Variants in RBFOX1 observed in about 807,000 individuals in gnomAD.
RBFOX1 encodes RNA binding fox-1 homolog 1.
In RBFOX1, 8 loss-of-function variants were observed where a neutral mutation model predicts 57.7. That is an observed-to-expected ratio of 0.14 (90% CI 0.08 to 0.25). RBFOX1 has a LOEUF of 0.25. Ranked by LOEUF, RBFOX1 falls within the 10% of genes least tolerant of loss-of-function variation. RBFOX1 has a pLI of 1.00. For synonymous variants in RBFOX1, 326 were observed against 222.4 expected (o/e 1.47, Z -4.15); for missense variants, 611 against 548.5 (o/e 1.11, Z -1.14).
chr16:7,709,938 A>G (rs868737443), intron 15 of RBFOX1: 2 of 1,026,342 alleles, frequency 1.9e-6, no homozygotes, highest in African/African-American at 3.4e-5. Context: ...TCCTTACCCT[A>G]AAAATGAATC....
chr16:6,818,652 T>C (rs1228968783), intron 3 of RBFOX1, among the ~76,000 whole-genome samples: 1 of 152,126 alleles, frequency 6.6e-6, no homozygotes, highest in African/African-American at 2.4e-5. Flanking sequence ...TATTATTCAT[T>C]TTTCCCCCCT....
chr16:7,005,823 T>G (rs1207402123), intron 3 of RBFOX1, among the ~76,000 whole-genome samples: 1 of 152,208 alleles, frequency 6.6e-6, no homozygotes, highest in Admixed American at 6.5e-5. Flanking sequence ...CATGAGTGAC[T>G]GCTGCTTCTT....
chr16:6,221,420 C>A (rs2097372520), intron 1 of RBFOX1, among the ~76,000 whole-genome samples: 2 of 152,076 alleles, frequency 1.3e-5, no homozygotes, highest in Non-Finnish European at 2.9e-5. Context: ...TTCAGCTGCC[C>A]AGATAACACT....
chr16:5,701,781 C>A (rs138051820), intron 3 of RBFOX1, among the ~76,000 whole-genome samples: 1 of 152,130 alleles, frequency 6.6e-6, no homozygotes, highest in South Asian at 2.1e-4. Context: ...ATTTTTTGTC[C>A]GTGGCATCCT....
intron 1 of RBFOX1, among the ~76,000 whole-genome samples, chr16:6,063,119 A>G (rs1213904251): frequency 6.6e-6 from 1 of 152,150 alleles, no homozygotes; most frequent in East Asian, 1.9e-4. Flanking sequence ...TGAGCAAACA[A>G]CGGGACACCA....
chr16:6,812,451 G>A (rs995374809), intron 3 of RBFOX1, among the ~76,000 whole-genome samples: 6 of 152,034 alleles, frequency 3.9e-5, no homozygotes, highest in African/African-American at 1.4e-4. Context: ...TCGGCTCATT[G>A]CAACCTCCAC....
rs747780091 is a variant in RBFOX1, at chr16:6,598,902, C to T, written c.-63-55701C>T. On this transcript the variant is annotated intron_variant, in intron 2 of 15. Transcript: ENST00000550418. Reference sequence around the variant, plus strand: ...TGGAAGTTACAGTGAGCTGAGATTGCGCCACTGCACTCCAGCCTGTGTAAC... The same window carrying T: ...TGGAAGTTACAGTGAGCTGAGATTGTGCCACTGCACTCCAGCCTGTGTAAC... 4.6e-5 allele frequency among the ~76,000 whole-genome samples: 7 copies of T among 152,212 alleles called. No homozygotes were observed. The South Asian group carries it at 6.2e-4, about 14-fold the overall frequency.
chr16:5,527,773 G>A (rs117670656), intron 2 of RBFOX1, among the ~76,000 whole-genome samples: 1,649 of 152,212 alleles, frequency 0.011, 12 homozygotes, highest in Non-Finnish European at 0.019. Context: ...TCTAAGGGAC[G>A]ATCTTTGAGA....
At chr16:7,249,499 C>G (rs552447360) in intron 4 of RBFOX1, among the ~76,000 whole-genome samples, 4 of 152,062 alleles carry the variant, frequency 2.6e-5, no homozygotes, top group Non-Finnish European at 4.4e-5. Flanking sequence ...CTCTGTCTTT[C>G]TCTCTGACTT....
At chr16:6,014,421 A>G (rs1435303960), upstream of RBFOX1, among the ~76,000 whole-genome samples, 1 of 152,202 alleles carries the variant, frequency 6.6e-6, no homozygotes, top group Non-Finnish European at 1.5e-5. Flanking sequence ...TTTTCACAAA[A>G]AAGAGACCTC....
intron 4 of RBFOX1, among the ~76,000 whole-genome samples, chr16:7,239,328 A>G (rs540732289): frequency 2.0e-5 from 3 of 152,122 alleles, no homozygotes; most frequent in East Asian, 3.9e-4. Context: ...GTGAAATCCC[A>G]TGTCTACTAA....
At chr16:7,068,812 C>A (rs1404946239) in intron 4 of RBFOX1, among the ~76,000 whole-genome samples, 4 of 152,188 alleles carry the variant, frequency 2.6e-5, no homozygotes, top group African/African-American at 9.7e-5. Flanking sequence ...TGGTCTCGAA[C>A]TCCAGACCTC....
At chr16:5,647,740 C>T (rs2049099466) in intron 3 of RBFOX1, among the ~76,000 whole-genome samples, 1 of 152,210 alleles carries the variant, frequency 6.6e-6, no homozygotes, top group South Asian at 2.1e-4. Context: ...GCATTCTTCC[C>T]CTAATCAGCT....
chr16:5,985,457 G>A (rs578023179), intron 4 of RBFOX1, among the ~76,000 whole-genome samples: 2 of 152,232 alleles, frequency 1.3e-5, no homozygotes, highest in South Asian at 4.1e-4. Context: ...AAGAAATGAG[G>A]CACAGAGGAG....
chr16:5,861,159 G>T (rs1420362521), intron 3 of RBFOX1, among the ~76,000 whole-genome samples: 1 of 152,176 alleles, frequency 6.6e-6, no homozygotes, highest in African/African-American at 2.4e-5. Context: ...TTCCTATCAT[G>T]GAACCATGTA....
chr16:6,144,813 A>G (rs1269343350), intron 1 of RBFOX1, among the ~76,000 whole-genome samples: 2 of 152,208 alleles, frequency 1.3e-5, no homozygotes, highest in African/African-American at 4.8e-5. Flanking sequence ...GATGCTTGAC[A>G]TTTGACTTCA....
chr16:5,520,945 C>G (rs2043988054), intron 2 of RBFOX1, among the ~76,000 whole-genome samples: 1 of 152,144 alleles, frequency 6.6e-6, no homozygotes, highest in African/African-American at 2.4e-5. Flanking sequence ...CGAGGAGAGC[C>G]ACAGCCAACT....
At chr16:6,671,374 A>G (rs913572280) in intron 3 of RBFOX1, among the ~76,000 whole-genome samples, 4 of 152,220 alleles carry the variant, frequency 2.6e-5, no homozygotes, top group Non-Finnish European at 4.4e-5. Context: ...ATCTTATAAG[A>G]TATTTTGACC....
intron 4 of RBFOX1, chr16:7,304,506 C>A (rs1159958606): frequency 1.0e-6 from 1 of 985,282 alleles, no homozygotes; most frequent in South Asian, 4.7e-5. Flanking sequence ...CGTCTGCCCT[C>A]GGTGGCTGCT....
Sources: gnomAD v4.1 joint callset for allele counts (sites outside exome capture counted in the v4.1 genomes callset) on GRCh38, gnomAD v4.1.1 for gene constraint, MANE v1.5 for transcripts, NCBI Gene and HGNC (gene_info 2026-07-23, HGNC 2026-07-21) for gene names.